Variants in EYA2 observed in about 807,000 individuals in gnomAD.
EYA2 encodes protein phosphatase EYA2.
In EYA2, 31 loss-of-function variants were observed where a neutral mutation model predicts 69.2. That is an observed-to-expected ratio of 0.45 (90% CI 0.34 to 0.60). EYA2 has a LOEUF of 0.60. Ranked by LOEUF, EYA2 falls within the 20% of genes least tolerant of loss-of-function variation. The pLI, the probability that EYA2 is intolerant of heterozygous loss-of-function variation, is 0.02. For synonymous variants in EYA2, 257 were observed against 279.4 expected, an observed-to-expected ratio of 0.92 and a Z score of 0.80; for missense variants, 622 against 701.2, an observed-to-expected ratio of 0.89 and a Z score of 1.28.
intron 1 of EYA2, among the ~76,000 whole-genome samples, chr20:46,966,028 A>G (rs540140866): frequency 2.6e-5 from 4 of 152,364 alleles, no homozygotes; most frequent in Admixed American, 1.3e-4. Flanking sequence ...TTGAAATTCC[A>G]TGAATGTAGC....
chr20:47,125,209 A>G (rs1445823005), intron 9 of EYA2, among the ~76,000 whole-genome samples: 2 of 151,894 alleles, frequency 1.3e-5, no homozygotes, highest in African/African-American at 4.8e-5. Context: ...ACCTGCCACT[A>G]TGCCCGGCTA....
chr20:46,988,485 G>A (rs116607368), intron 1 of EYA2, among the ~76,000 whole-genome samples: 1,622 of 152,194 alleles, frequency 0.011, 16 homozygotes, highest in African/African-American at 0.027. Context: ...CCACACCAGC[G>A]ATCGCTACGT....
chr20:46,987,923 T>A (rs1448824127), intron 1 of EYA2, among the ~76,000 whole-genome samples: 441 of 24,002 alleles, frequency 0.018, 110 homozygotes, highest in Non-Finnish European at 0.021. Flanking sequence ...TAAGTCTCTC[T>A]CTCTCTCTCT....
At chr20:47,171,420 TC>T (rs1315190996) in intron 11 of EYA2, among the ~76,000 whole-genome samples, 1 of 152,228 alleles carries the variant, frequency 6.6e-6, no homozygotes, top group Non-Finnish European at 1.5e-5. Context: ...TTTGTTTTTT[TC>T]AGTTAGCAGT....
At chr20:46,895,320 C>T (rs1243234754) in intron 1 of EYA2, among the ~76,000 whole-genome samples, 4 of 151,858 alleles carry the variant, frequency 2.6e-5, no homozygotes, top group African/African-American at 9.7e-5. Flanking sequence ...GCGGCTGGGT[C>T]CTTGGCGTTT....
At chr20:46,976,107 T>G (rs981338352) in intron 1 of EYA2, among the ~76,000 whole-genome samples, 1 of 152,140 alleles carries the variant, frequency 6.6e-6, no homozygotes, top group African/African-American at 2.4e-5. Flanking sequence ...ATGCCTGTAA[T>G]CCCTGCACCT....
chr20:47,165,489 C>T (rs916390063), intron 10 of EYA2, among the ~76,000 whole-genome samples: 17 of 152,104 alleles, frequency 1.1e-4, no homozygotes, highest in African/African-American at 9.7e-5. Flanking sequence ...TCCCATTTGC[C>T]CAGAGCTGAC....
chr20:47,001,606 G>C, intron 3 of EYA2, 133 bp downstream of exon 3: 1 of 926,334 alleles, frequency 1.1e-6, no homozygotes, highest in Non-Finnish European at 1.7e-6. Flanking sequence ...TCCTAGCTGA[G>C]TGAGCTTGAG....
intron 9 of EYA2, among the ~76,000 whole-genome samples, chr20:47,116,759 C>T (rs919500511): frequency 1.3e-5 from 2 of 152,186 alleles, no homozygotes; most frequent in Non-Finnish European, 2.9e-5. Context: ...GAAAAACCAC[C>T]TGCATGTGAA....
rs994483054 is a variant in EYA2 at position 47,150,366 on chromosome 20, A to G, written c.978+7218A>G. 4.6e-5 allele frequency among the ~76,000 whole-genome samples: 7 copies of G among 152,230 alleles called. No individual in the cohort carries two copies. In the East Asian group the frequency reaches 1.3e-3, roughly 29 times the overall value. ...CATCAAAATAAAGAGGCTTAAGTAC[A>G]ACACAGATCTGTTTCTCTCTCATGA... On this transcript the variant is annotated intron_variant, in intron 10 of 15. Transcript: ENST00000327619.
In EYA2 at chr20:47,097,161, A is replaced by G; in HGVS notation, c.881A>G (p.Tyr294Cys). The change falls in exon 9 of 16, where the codon TAC (tyrosine) becomes TGC (cysteine). Residue 294 changes from tyrosine to cysteine, a missense_variant. Transcript: ENST00000327619. ...CTCACGGGGACATTTGCATCCAGAT[A>G]CGGGAAGGTAAGAATCCATTTTGTC... The part of the protein sequence containing the change: ...SLLTGTFASR[Y>C]GKDTTTSVRI... 6.2e-7 allele frequency: 1 copy of G among 1,608,796 alleles called. No homozygotes were observed. Among genetic ancestry groups the G allele is most frequent in the South Asian group, 1.1e-5 (1 of 90,072 alleles).
At chr20:47,137,503 C>T (rs2033503994) in intron 9 of EYA2, among the ~76,000 whole-genome samples, 1 of 152,138 alleles carries the variant, frequency 6.6e-6, no homozygotes, top group South Asian at 2.1e-4. Flanking sequence ...CCCGAAAGAG[C>T]ATGGTGTGAA....
intron 1 of EYA2, among the ~76,000 whole-genome samples, chr20:46,932,747 G>T (rs1220595496): frequency 6.6e-6 from 1 of 152,140 alleles, no homozygotes; most frequent in Non-Finnish European, 1.5e-5. Context: ...TCAGCCAGGC[G>T]TGGTGGCGGG....
chr20:46,977,495 A>G (rs977649566), intron 1 of EYA2, among the ~76,000 whole-genome samples: 3 of 152,294 alleles, frequency 2.0e-5, no homozygotes, highest in East Asian at 1.9e-4. Context: ...TGTATCCTCA[A>G]TGTCTGAGAC....
intron 1 of EYA2, among the ~76,000 whole-genome samples, chr20:46,958,657 C>T (rs1370431965): frequency 6.6e-6 from 1 of 152,192 alleles, no homozygotes; most frequent in South Asian, 2.1e-4. Context: ...CCATAAAGTA[C>T]CCGTTAGTTA....
At chr20:47,030,079 A>G (rs1050093651) in intron 5 of EYA2, among the ~76,000 whole-genome samples, 6 of 152,234 alleles carry the variant, frequency 3.9e-5, no homozygotes, top group Admixed American at 3.9e-4. Context: ...CTTCCAAGAC[A>G]GTGTTATTTA....
chr20:47,016,346 A>C, intron 5 of EYA2, 49 bp downstream of exon 5: 2 of 1,406,968 alleles, frequency 1.4e-6, no homozygotes, highest in Non-Finnish European at 2.0e-6. Context: ...AGGACCACCT[A>C]AGTTGGGTGT....
At chr20:47,057,518 C>G (rs568816431) in intron 5 of EYA2, among the ~76,000 whole-genome samples, 5 of 150,992 alleles carry the variant, frequency 3.3e-5, no homozygotes, top group Non-Finnish European at 4.4e-5. Context: ...TCACCCCCCC[C>G]CCCCATCTCA....
chr20:46,923,628 G>A (rs1985280616), intron 1 of EYA2, among the ~76,000 whole-genome samples: 1 of 152,158 alleles, frequency 6.6e-6, no homozygotes, highest in Non-Finnish European at 1.5e-5. Context: ...ATATTTACGA[G>A]TAAAAGGCCA....
Sources: allele counts gnomAD v4.1 joint callset (sites outside exome capture counted in the v4.1 genomes callset), GRCh38; gene constraint gnomAD v4.1.1; transcripts MANE v1.5; gene names NCBI Gene and HGNC (gene_info 2026-07-23, HGNC 2026-07-21).